NRXN1: variants seen among roughly 807,000 people sequenced by gnomAD.
NRXN1 encodes the protein neurexin 1.
NRXN1 carries 39 observed loss-of-function variants against 150.9 expected under a neutral mutation model. The observed-to-expected ratio is 0.26, with a 90% CI of 0.20 to 0.34. NRXN1 has a LOEUF of 0.34. Among genes scored for constraint, NRXN1 ranks in the 10% least tolerant of loss-of-function variants. NRXN1 has a pLI of 1.00. For missense variants in NRXN1, 1,815 were observed against 1,949.9 expected (o/e 0.93, Z 1.30); for synonymous variants, 924 against 757.0 (o/e 1.22, Z -3.62).
rs1200699394 is a variant in NRXN1, at chr2:50,644,353, G to C, written c.833-20738C>G. The stretch of plus-strand genomic sequence containing the variant: ...TGAAAAAGATAGCTTGTTTCCACCA[G>C]ATACATTCATATTAATAGCCATCAA... On this transcript the variant is annotated intron_variant, in intron 5 of 22. Transcript: ENST00000401669. 2.6e-5 allele frequency among the ~76,000 whole-genome samples: 4 copies of C among 151,482 alleles called. No individual in the cohort carries two copies. The East Asian group carries it at 5.8e-4, about 22-fold the overall frequency.
At position 49,985,542 on chromosome 2, in the gene NRXN1, T is replaced by C. The variant is rs185534362; in HGVS notation, c.4129-41751A>G. ...CTTTATTTCAGTCGTCATTTGTGCATAAACTCTAGTCAGATCAAGCAAAAA... is the reference window on the plus strand; with the variant it reads ...CTTTATTTCAGTCGTCATTTGTGCACAAACTCTAGTCAGATCAAGCAAAAA... On this transcript the variant is annotated intron_variant, in intron 21 of 22. Transcript: ENST00000401669. Among the ~76,000 whole-genome samples, 3 of 152,348 alleles carry C rather than the reference T, an allele frequency of 2.0e-5. 1 individual carries two copies. The highest frequency in any genetic ancestry group is 2.0e-4 in the Admixed American group (3 of 15,302).
intron 19 of NRXN1, among the ~76,000 whole-genome samples, chr2:50,065,131 T>C (rs886198288): frequency 2.6e-5 from 4 of 152,076 alleles, no homozygotes; most frequent in African/African-American, 9.7e-5. Context: ...CACCAGAAAA[T>C]AAGAAAATAA....
intron 15 of NRXN1, among the ~76,000 whole-genome samples, chr2:50,495,380 G>GGTGTGTGT (rs1157611088): frequency 5.6e-5 from 1 of 17,784 alleles, no homozygotes; most frequent in East Asian, 7.5e-4. Context: ...GTGTGTGTGT[G>GGTGTGTGT]GTGTGTGTGT....
chr2:49,978,525 T>C (rs1247869257), intron 21 of NRXN1, among the ~76,000 whole-genome samples: 1 of 151,840 alleles, frequency 6.6e-6, no homozygotes, highest in Non-Finnish European at 1.5e-5. Context: ...GTCAGGCCTG[T>C]GGTGTTCAGG....
intron 5 of NRXN1, among the ~76,000 whole-genome samples, chr2:50,768,084 C>A (rs1056821383): frequency 1.3e-5 from 2 of 152,044 alleles, no homozygotes; most frequent in Admixed American, 6.6e-5. Context: ...CTACTCAGGC[C>A]TAGGGACAGT....
intron 18 of NRXN1, among the ~76,000 whole-genome samples, chr2:50,223,010 T>G (rs958698439): frequency 1.3e-5 from 2 of 151,932 alleles, no homozygotes; most frequent in Non-Finnish European, 2.9e-5. Context: ...TAAATTGATT[T>G]AAAATATGGG....
chr2:50,995,424 A>G lies in NRXN1; in HGVS notation c.772+32078T>C, dbSNP rs376654719. Among the ~76,000 whole-genome samples the G allele has an allele frequency of 4.6e-5, 7 of 151,768 alleles. No homozygotes were observed. The South Asian group carries it at 8.4e-4, about 18-fold the overall frequency. On this transcript the variant is annotated intron_variant, in intron 2 of 22. Transcript: ENST00000401669. ...CCAGCCTGTCCAACAGGACAAAACAATACAAATATATCTACACAACAAATA... is the reference window on the plus strand; with the variant it reads ...CCAGCCTGTCCAACAGGACAAAACAGTACAAATATATCTACACAACAAATA...
At chr2:50,661,389 G>C (rs553974484) in intron 5 of NRXN1, among the ~76,000 whole-genome samples, 61 of 152,160 alleles carry the variant, frequency 4.0e-4, no homozygotes, top group Middle Eastern at 3.4e-3. Context: ...CTGTTCAAGC[G>C]TAACAACAAA....
intron 19 of NRXN1, among the ~76,000 whole-genome samples, chr2:50,085,889 C>A (rs1235170142): frequency 1.3e-5 from 2 of 152,096 alleles, no homozygotes; most frequent in African/African-American, 4.8e-5. Flanking sequence ...TTTAAAGATG[C>A]ATCTAATGAT....
chr2:50,575,958 T>C (rs1671380532), intron 8 of NRXN1, among the ~76,000 whole-genome samples: 1 of 152,172 alleles, frequency 6.6e-6, no homozygotes, highest in African/African-American at 2.4e-5. Flanking sequence ...AGAGTTGTTC[T>C]AACCTCTAGA....
intron 5 of NRXN1, among the ~76,000 whole-genome samples, chr2:50,831,566 G>C (rs1238501209): frequency 1.3e-5 from 2 of 152,158 alleles, no homozygotes; most frequent in African/African-American, 2.4e-5. Flanking sequence ...AATGTGTTCA[G>C]TTTGTCAAAG....
intron 5 of NRXN1, among the ~76,000 whole-genome samples, chr2:50,797,887 G>C (rs1205599977): frequency 2.0e-5 from 3 of 152,270 alleles, no homozygotes; most frequent in African/African-American, 7.2e-5. Flanking sequence ...AAAATGTCCA[G>C]AAGTTCCCAG....
At chr2:50,379,576 G>T (rs1463126086) in intron 17 of NRXN1, among the ~76,000 whole-genome samples, 2 of 152,106 alleles carry the variant, frequency 1.3e-5, no homozygotes, top group Admixed American at 6.6e-5. Flanking sequence ...GAGGTCTAAT[G>T]TCTTGTTTAT....
chr2:50,587,935 T>C (rs1409923042), intron 8 of NRXN1, among the ~76,000 whole-genome samples: 1 of 152,174 alleles, frequency 6.6e-6, no homozygotes, highest in Non-Finnish European at 1.5e-5. Flanking sequence ...AAAATAAATG[T>C]AAATAATATG....
At position 50,347,754 on chromosome 2, in the gene NRXN1, A is replaced by T. The variant is rs201643162; in HGVS notation, c.3365-110784T>A. 140 of 986,352 alleles carry T rather than the reference A, an allele frequency of 1.4e-4. No individual in the cohort carries two copies. Among genetic ancestry groups the T allele is most frequent in the Non-Finnish European group, 1.7e-4 (138 of 830,712 alleles). The allele number at this position is 986,352 out of a possible 1,614,324, so 61.1% of individuals were successfully genotyped here. A position where few individuals can be genotyped will look rare whatever the true frequency, so the allele number is the denominator to read the frequency against. ...AGAAAAAGAAAAAGAAAAAGAAAAA[A>T]AGAAAAGAAAAACCACACACGCTGG... is the stretch of plus-strand genomic sequence containing the variant. On this transcript the variant is annotated intron_variant, in intron 17 of 22. Transcript: ENST00000401669. The surrounding 1 kb of genome is among the most constrained non-coding windows in gnomAD (Gnocchi z 4.9).
At chr2:50,341,465 A>T (rs573378649) in intron 17 of NRXN1, among the ~76,000 whole-genome samples, 3 of 152,098 alleles carry the variant, frequency 2.0e-5, no homozygotes, top group African/African-American at 7.2e-5. Flanking sequence ...GGTCTCATTT[A>T]TTCTTCACTT....
chr2:49,973,733 G>A, intron 21 of NRXN1: 1 of 519,694 alleles, frequency 1.9e-6, no homozygotes, highest in Non-Finnish European at 3.4e-6. Context: ...ACCATGCTCA[G>A]GGTTTAAGGA....
At chr2:50,777,281 G>C (rs894397299) in intron 5 of NRXN1, among the ~76,000 whole-genome samples, 1 of 152,036 alleles carries the variant, frequency 6.6e-6, no homozygotes, top group Non-Finnish European at 1.5e-5. Context: ...TGGGATATGA[G>C]GTTTAAGTGG....
chr2:49,988,250 C>T (rs930474618), intron 21 of NRXN1, among the ~76,000 whole-genome samples: 3 of 151,324 alleles, frequency 2.0e-5, no homozygotes, highest in African/African-American at 4.9e-5. Flanking sequence ...AGGAAACCCA[C>T]AGAGAAAGAC....
Sources: allele counts gnomAD v4.1 joint callset (sites outside exome capture counted in the v4.1 genomes callset), GRCh38; gene constraint gnomAD v4.1.1; non-coding constraint Gnocchi (gnomAD v3.1); transcripts MANE v1.5; gene names NCBI Gene and HGNC (gene_info 2026-07-23, HGNC 2026-07-21).